The following UNC5C variants were observed in gnomAD, a reference collection of about 807,000 sequenced individuals.
UNC5C encodes the protein unc-5 netrin receptor C.
A neutral mutation model predicts 99.8 loss-of-function variants in UNC5C; 47 were observed. The observed-to-expected ratio is 0.47, with a 90% CI of 0.37 to 0.60. The LOEUF is 0.60. Among genes scored for constraint, UNC5C ranks in the 20% least tolerant of loss-of-function variants. The probability of loss-of-function intolerance (pLI) is 0.00; values close to 1 mark genes in which losing one functional copy is unlikely to be tolerated. For missense variants in UNC5C, 1,062 were observed against 1,165.9 expected (o/e 0.91, Z 1.30); for synonymous variants, 487 against 452.2 (o/e 1.08, Z -0.98).
At chr4:95,408,893 C>T (rs1226276859) in intron 1 of UNC5C, among the ~76,000 whole-genome samples, 1 of 152,090 alleles carries the variant, frequency 6.6e-6, no homozygotes, top group East Asian at 1.9e-4. Context: ...AATAATACCC[C>T]CTTTCACTTG....
At chr4:95,474,035 C>A (rs2149475369) in intron 1 of UNC5C, among the ~76,000 whole-genome samples, 1 of 152,158 alleles carries the variant, frequency 6.6e-6, no homozygotes, top group Non-Finnish European at 1.5e-5. Context: ...AATCAAATTC[C>A]TTGCTTATAT....
At chr4:95,461,636 T>C (rs1261582133) in intron 1 of UNC5C, among the ~76,000 whole-genome samples, 1 of 152,202 alleles carries the variant, frequency 6.6e-6, no homozygotes, top group Non-Finnish European at 1.5e-5. Flanking sequence ...ACATTATCCT[T>C]AGTCTTTTTC....
intron 4 of UNC5C, among the ~76,000 whole-genome samples, chr4:95,264,765 G>A (rs1039189982): frequency 2.0e-5 from 3 of 152,136 alleles, no homozygotes; most frequent in South Asian, 2.1e-4. Context: ...GTGATCAGTG[G>A]CCTTTCTCGT....
In UNC5C at chr4:95,213,791, G is replaced by T. The variant is rs369711659; in HGVS notation, c.1733+2333C>A. On this transcript the variant is annotated intron_variant, in intron 10 of 15. Coordinates refer to ENST00000453304, the MANE Select transcript of UNC5C (RefSeq NM_003728.4). The stretch of plus-strand genomic sequence containing the variant: ...CCTCACAGAGTCTTCTTCCAAAGAA[G>T]TTCTGTCTTGTATCATGTGTGGATA... 3.9e-4 allele frequency among the ~76,000 whole-genome samples: 60 copies of T among 152,318 alleles called. No homozygotes were observed. The South Asian group carries it at 0.012, about 30-fold the overall frequency.
intron 1 of UNC5C, among the ~76,000 whole-genome samples, chr4:95,530,024 T>C (rs1722602394): frequency 6.6e-6 from 1 of 152,206 alleles, no homozygotes; most frequent in Non-Finnish European, 1.5e-5. Context: ...TGCATATATA[T>C]TTTTAGATGG....
intron 1 of UNC5C, among the ~76,000 whole-genome samples, chr4:95,375,709 T>A (rs971000699): frequency 6.6e-6 from 1 of 152,212 alleles, no homozygotes; most frequent in Non-Finnish European, 1.5e-5. Flanking sequence ...TTCCTTTAAA[T>A]CCAGGAATAA....
chr4:95,519,750 T>G (rs1722304786), intron 1 of UNC5C, among the ~76,000 whole-genome samples: 1 of 152,320 alleles, frequency 6.6e-6, no homozygotes, highest in South Asian at 2.1e-4. Flanking sequence ...AAGGGAAGAC[T>G]TTTTATGGAT....
intron 4 of UNC5C, among the ~76,000 whole-genome samples, chr4:95,275,611 T>C (rs1740833604): frequency 6.6e-6 from 1 of 152,132 alleles, no homozygotes; most frequent in Non-Finnish European, 1.5e-5. Context: ...AGGGAAGAAG[T>C]AAAATATTAT....
rs537878406 is a variant in UNC5C, at chr4:95,313,975, T to C, written c.347-12226A>G. ...TGAAATAAGACTAAAAATGTGTTTGTCTTGCTGCATTGTGAGAAAAGGAAC... is the reference window on the plus strand; with the variant it reads ...TGAAATAAGACTAAAAATGTGTTTGCCTTGCTGCATTGTGAGAAAAGGAAC... On this transcript the variant is annotated intron_variant, in intron 2 of 15. Coordinates refer to ENST00000453304, the MANE Select transcript of UNC5C (RefSeq NM_003728.4). 1.1e-4 allele frequency among the ~76,000 whole-genome samples: 17 copies of C among 152,302 alleles called. No homozygotes were observed. In the South Asian group the frequency reaches 3.5e-3, roughly 32 times the overall value.
At chr4:95,327,044 A>C (rs192819783) in intron 2 of UNC5C, among the ~76,000 whole-genome samples, 328 of 152,314 alleles carry the variant, frequency 2.2e-3, no homozygotes, top group Non-Finnish European at 3.5e-3. Flanking sequence ...AAGAAAATTT[A>C]CCTGATTTGA....
At chr4:95,497,134 A>G (rs747599507) in intron 1 of UNC5C, among the ~76,000 whole-genome samples, 2 of 151,958 alleles carry the variant, frequency 1.3e-5, no homozygotes, top group Non-Finnish European at 2.9e-5. Flanking sequence ...GTGCTGCTAT[A>G]AACATGCGTG....
intron 6 of UNC5C, among the ~76,000 whole-genome samples, chr4:95,243,835 A>T (rs1214609420): frequency 6.6e-6 from 1 of 151,254 alleles, no homozygotes; most frequent in Admixed American, 6.6e-5. Context: ...CAAAACACTG[A>T]CACACACACA....
At chr4:95,258,772 T>TTTTTTTTTTTTTTTTTTTAG in intron 4 of UNC5C, among the ~76,000 whole-genome samples, 1 of 126,240 alleles carries the variant, frequency 7.9e-6, no homozygotes, top group East Asian at 2.6e-4. Context: ...TTTTTTTTTT[T>TTTTTTTTTTTTTTTTTTTAG]GAGACGGAGT....
chr4:95,306,747 C>A (rs1028095648), intron 2 of UNC5C, among the ~76,000 whole-genome samples: 1 of 152,116 alleles, frequency 6.6e-6, no homozygotes. Context: ...GCAGGCCTGG[C>A]AATTTGGCTT....
intron 3 of UNC5C, among the ~76,000 whole-genome samples, chr4:95,289,470 T>C (rs1741363920): frequency 6.6e-6 from 1 of 152,246 alleles, no homozygotes; most frequent in Non-Finnish European, 1.5e-5. Flanking sequence ...ATACAGCTGC[T>C]GTACTATGAT....
At chr4:95,476,471 A>G (rs770274547) in intron 1 of UNC5C, among the ~76,000 whole-genome samples, 5 of 152,116 alleles carry the variant, frequency 3.3e-5, no homozygotes, top group Non-Finnish European at 7.4e-5. Context: ...AATATTGCAC[A>G]AATTACATAA....
intron 1 of UNC5C, among the ~76,000 whole-genome samples, chr4:95,393,614 C>T (rs1438191837): frequency 6.6e-6 from 1 of 152,152 alleles, no homozygotes; most frequent in African/African-American, 2.4e-5. Flanking sequence ...TAAGTATTGA[C>T]TGTAGATGTT....
intron 1 of UNC5C, among the ~76,000 whole-genome samples, chr4:95,383,119 C>T (rs1005793702): frequency 2.6e-5 from 4 of 151,986 alleles, no homozygotes; most frequent in African/African-American, 9.7e-5. Context: ...AAGTTTAATC[C>T]AATATCAAAA....
intron 1 of UNC5C, among the ~76,000 whole-genome samples, chr4:95,476,621 G>A (rs1748156034): frequency 6.6e-6 from 1 of 151,958 alleles, no homozygotes; most frequent in Non-Finnish European, 1.5e-5. Flanking sequence ...TGTTCGTTCT[G>A]TTCTGACACA....
Sources: allele counts gnomAD v4.1 joint callset (sites outside exome capture counted in the v4.1 genomes callset), GRCh38; gene constraint gnomAD v4.1.1; transcripts MANE v1.5; gene names NCBI Gene and HGNC (gene_info 2026-07-23, HGNC 2026-07-21).